Variants in RPS6 observed in about 807,000 individuals in gnomAD.
RPS6 encodes the protein small ribosomal subunit protein eS6.
Under a neutral mutation model 27.1 loss-of-function variants are expected in RPS6, and 1 was observed. That is an observed-to-expected ratio of 0.04 (90% confidence interval 0.01 to 0.18). The LOEUF (loss-of-function observed/expected upper bound fraction) is 0.18, where lower values mean the gene tolerates loss of function less well. Among genes scored for constraint, RPS6 ranks in the 10% least tolerant of loss-of-function variants. The probability of loss-of-function intolerance (pLI) is 1.00; values close to 1 mark genes in which losing one functional copy is unlikely to be tolerated. For missense variants in RPS6, 259 were observed against 319.1 expected, an observed-to-expected ratio of 0.81 and a Z score of 1.44; for synonymous variants, 152 against 106.0, an observed-to-expected ratio of 1.43 and a Z score of -2.66.
At chr9:19,378,210 A>C (rs1433466991) in intron 4 of RPS6, among the ~76,000 whole-genome samples, 158 bp downstream of exon 4, 1 of 152,242 alleles carries the variant, frequency 6.6e-6, no homozygotes, top group Non-Finnish European at 1.5e-5. Flanking sequence ...GATTAACACC[A>C]ACTGGGTATG....
chr9:19,378,608 A>C (rs1439201238), intron 3 of RPS6, 94 bp from the exon 4 acceptor site: 2 of 1,571,240 alleles, frequency 1.3e-6, no homozygotes, highest in African/African-American at 1.4e-5. Context: ...TAGAGAAACA[A>C]ATCCATTGGT....
At chr9:19,377,392 C>CT (rs77882767) in intron 4 of RPS6, among the ~76,000 whole-genome samples, 2,880 of 132,342 alleles carry the variant, frequency 0.022, 61 homozygotes, top group African/African-American at 0.039. Flanking sequence ...TTGTCAATTG[C>CT]TTTTTTTTTT....
intron 4 of RPS6, among the ~76,000 whole-genome samples, chr9:19,377,546 G>A (rs1032297146): frequency 6.6e-6 from 1 of 152,132 alleles, no homozygotes; most frequent in Non-Finnish European, 1.5e-5. Context: ...AGTCACACCA[G>A]TCCTGAAAAC....
chr9:19,376,164 T>C lies in RPS6; in HGVS notation c.*129A>G, dbSNP rs1829581577. The C allele has an allele frequency of 1.3e-6, 1 of 749,456 alleles. No individual in the cohort carries two copies. Among genetic ancestry groups the C allele is most frequent in the African/African-American group, 1.8e-5 (1 of 56,602 alleles). The allele number at this position is 749,456 out of a possible 1,614,324, so 46.4% of individuals were successfully genotyped here. ...GGTCTGACTTTATCCACCATTGGAA[T>C]ACCATATATACATATCCCCATTTTC... On this transcript the variant is annotated 3_prime_UTR_variant, in exon 6 of 6. Coordinates refer to ENST00000380394, the MANE Select transcript of RPS6 (RefSeq NM_001010.3).
At chr9:19,379,991 C>A (rs1829652874) in intron 1 of RPS6, 199 bp downstream of exon 1, 20 of 1,459,868 alleles carry the variant, frequency 1.4e-5, no homozygotes, top group Admixed American at 2.7e-5. Flanking sequence ...GCTCCCGGCC[C>A]GCCGCGGCTC....
chr9:19,375,745 ATTTCCT>A lies in RPS6; in HGVS notation c.*542_*547del, dbSNP rs1427048755. The A allele has an allele frequency of 6.6e-5, 10 of 152,198 alleles. No individual in the cohort carries two copies. Among genetic ancestry groups the A allele is most frequent in the African/African-American group, 2.2e-4 (9 of 41,420 alleles). 9.4% of individuals were successfully genotyped at this position (152,198 alleles called of 1,614,324 possible). A position where few individuals can be genotyped will look rare whatever the true frequency, so the allele number is the denominator to read the frequency against. The stretch of plus-strand genomic sequence containing the variant: ...CACTGATCCAAGAATGTTTTTAGTC[ATTTCCT>A]TTTCAGTGTGTGAACAGCCTAACAA... On this transcript the variant is annotated 3_prime_UTR_variant, in exon 6 of 6. Coordinates refer to ENST00000380394, the MANE Select transcript of RPS6 (RefSeq NM_001010.3).
chr9:19,379,982 C>A, intron 1 of RPS6: 1 of 1,452,026 alleles, frequency 6.9e-7, no homozygotes, highest in South Asian at 1.5e-5. Flanking sequence ...CACCATGGCG[C>A]TCCCGGCCCG....
intron 2 of RPS6, 39 bp from the exon 3 acceptor site, chr9:19,378,957 T>A (rs771210102): frequency 6.3e-7 from 1 of 1,585,338 alleles, no homozygotes; most frequent in Non-Finnish European, 8.6e-7. Flanking sequence ...TTACTATTTC[T>A]ATTCCAAAAT....
At chr9:19,379,144 A>T in intron 2 of RPS6, 1 of 779,276 alleles carries the variant, frequency 1.3e-6, no homozygotes, top group Non-Finnish European at 2.0e-6. Context: ...ATGTTTTATT[A>T]GAGATAACAG....
At chr9:19,379,131 C>G (rs1199289937) in intron 2 of RPS6, 49 of 774,566 alleles carry the variant, frequency 6.3e-5, no homozygotes, top group East Asian at 2.7e-5. Flanking sequence ...GCATTTCTAA[C>G]CGATGTTTTA....
At chr9:19,380,023 C>T in intron 1 of RPS6, 167 bp downstream of exon 1, 1 of 1,523,758 alleles carries the variant, frequency 6.6e-7, no homozygotes. Flanking sequence ...GCCTGCCATC[C>T]GTTCGGCCAA....
chr9:19,376,113 C>A lies in RPS6; in HGVS notation c.*180G>T, dbSNP rs1394691346. On this transcript the variant is annotated 3_prime_UTR_variant, in exon 6 of 6. Transcript: ENST00000380394. ...CTGAAAGGAACCCCTGTACACTGAC[C>A]TTGTCTTCCACTACCACACACAATA... 2.7e-5 allele frequency: 16 copies of A among 588,550 alleles called. No homozygotes were observed. The East Asian group carries it at 3.6e-4, about 13-fold the overall frequency. 36.5% of individuals were successfully genotyped at this position (588,550 alleles called of 1,614,324 possible).
chr9:19,379,245 T>A, intron 2 of RPS6: 1 of 1,384,374 alleles, frequency 7.2e-7, no homozygotes, highest in South Asian at 1.5e-5. Context: ...CTATGTGACA[T>A]ATTGCCAAAT....
intron 2 of RPS6, 66 bp downstream of exon 2, chr9:19,379,421 A>G (rs1364188493): frequency 1.2e-6 from 2 of 1,600,878 alleles, no homozygotes. Context: ...CCCATTCCAA[A>G]TACCAGTTAC....
At chr9:19,378,287 A>T in intron 4 of RPS6, 81 bp downstream of exon 4, 1 of 1,403,848 alleles carries the variant, frequency 7.1e-7, no homozygotes, top group Non-Finnish European at 9.9e-7. Context: ...CCAAAGGCAC[A>T]TATTTATCTT....
intron 2 of RPS6, 182 bp from the exon 3 acceptor site, chr9:19,379,100 T>C (rs1014491141): frequency 3.9e-6 from 3 of 766,604 alleles, no homozygotes; most frequent in African/African-American, 3.5e-5. Flanking sequence ...TCAAGTTCAA[T>C]TATCAAATGT....
chr9:19,379,170 A>T (rs921890919), intron 2 of RPS6: 3 of 875,722 alleles, frequency 3.4e-6, no homozygotes, highest in Admixed American at 5.9e-5. Context: ...AGAAGATAAA[A>T]TATCAAACAG....
intron 5 of RPS6, 39 bp downstream of exon 5, chr9:19,376,455 T>C (rs778063868): frequency 6.2e-7 from 1 of 1,612,588 alleles, no homozygotes; most frequent in South Asian, 1.1e-5. Flanking sequence ...CAAAGCCAGG[T>C]CGAACTCCTC....
At chr9:19,377,970 AAC>A (rs1410727080) in intron 4 of RPS6, among the ~76,000 whole-genome samples, 1 of 152,240 alleles carries the variant, frequency 6.6e-6, no homozygotes, top group Non-Finnish European at 1.5e-5. Context: ...CAGCCTGGGC[AAC>A]AGTGTGACCT....
Sources: gnomAD v4.1 joint callset for allele counts (sites outside exome capture counted in the v4.1 genomes callset) on GRCh38, gnomAD v4.1.1 for gene constraint, MANE v1.5 for transcripts, NCBI Gene and HGNC (gene_info 2026-07-23, HGNC 2026-07-21) for gene names.